The following LGSN variants were observed in gnomAD, a reference collection of about 807,000 sequenced individuals.
The protein encoded by LGSN is lengsin, lens protein with glutamine synthetase domain, also known as lengsin.
In LGSN, 21 loss-of-function variants were observed where a neutral mutation model predicts 19.5. The observed-to-expected ratio is 1.07, with a 90% confidence interval of 0.76 to 1.55. LGSN has a LOEUF of 1.55. Ranked by LOEUF, LGSN falls within the 40% of genes most tolerant of loss-of-function variation. The pLI, the probability that LGSN is intolerant of heterozygous loss-of-function variation, is 0.00. For missense variants in LGSN, 673 were observed against 608.5 expected (o/e 1.11, Z -1.12); for synonymous variants, 257 against 215.6 (o/e 1.19, Z -1.68).
chr6:63,355,554 T>C, the LGSN span, among the ~76,000 whole-genome samples: 1 of 152,086 alleles, frequency 6.6e-6, no homozygotes, highest in African/African-American at 2.4e-5. Context: ...AATCAAAGTG[T>C]CCACAGAGCC....
At chr6:63,378,690 T>C in the LGSN span, among the ~76,000 whole-genome samples, 1 of 152,046 alleles carries the variant, frequency 6.6e-6, no homozygotes, top group South Asian at 2.1e-4. Context: ...GCCAGGCTCT[T>C]TTTGAATAAC....
chr6:63,372,291 T>C, the LGSN span, among the ~76,000 whole-genome samples: 1 of 152,212 alleles, frequency 6.6e-6, no homozygotes. Context: ...CCCCATGAAG[T>C]ACCAAGATGT....
the LGSN span, among the ~76,000 whole-genome samples, chr6:63,372,582 C>G: frequency 6.6e-6 from 1 of 152,124 alleles, no homozygotes; most frequent in African/African-American, 2.4e-5. Context: ...TAGGGCTCAT[C>G]ATGCTGATGA....
the LGSN span, among the ~76,000 whole-genome samples, chr6:63,371,597 G>T: frequency 1.3e-5 from 2 of 152,194 alleles, no homozygotes; most frequent in Non-Finnish European, 2.9e-5. Context: ...AAAGGAAGTC[G>T]TAATTCTGTT....
chr6:63,409,783 C>T, the LGSN span, among the ~76,000 whole-genome samples: 3 of 152,160 alleles, frequency 2.0e-5, no homozygotes, highest in African/African-American at 7.2e-5. Context: ...CACCTGTAAT[C>T]CCAGCACTTT....
the LGSN span, among the ~76,000 whole-genome samples, chr6:63,526,477 G>A: frequency 1.4e-4 from 22 of 151,790 alleles, no homozygotes; most frequent in South Asian, 1.2e-3. Context: ...GGAAGACCAC[G>A]TATGATAAAT....
chr6:63,508,117 A>G, the LGSN span, among the ~76,000 whole-genome samples: 1 of 152,158 alleles, frequency 6.6e-6, no homozygotes, highest in Admixed American at 6.5e-5. Flanking sequence ...CACATATCTT[A>G]CTCCAGAAAT....
the LGSN span, among the ~76,000 whole-genome samples, chr6:63,346,109 G>A: frequency 1.6e-4 from 24 of 152,034 alleles, no homozygotes; most frequent in Non-Finnish European, 3.4e-4. Context: ...CTAATTTCCT[G>A]AGCAATAGGG....
chr6:63,438,012 C>A, the LGSN span, among the ~76,000 whole-genome samples: 1 of 152,144 alleles, frequency 6.6e-6, no homozygotes, highest in Non-Finnish European at 1.5e-5. Context: ...GTCCACACTG[C>A]CATGAAAATT....
At chr6:63,393,746 C>T in the LGSN span, among the ~76,000 whole-genome samples, 1 of 152,168 alleles carries the variant, frequency 6.6e-6, no homozygotes, top group Non-Finnish European at 1.5e-5. Context: ...GTTTTACTTT[C>T]TTTTCTTCTG....
rs1582010897 is a variant in LGSN, at chr6:63,276,991, A to C, written c.*3030T>G. 1 of 148,998 alleles carries C rather than the reference A, an allele frequency of 6.7e-6. No individual in the cohort carries two copies. The highest frequency in any genetic ancestry group is 2.5e-5 in the African/African-American group (1 of 40,674). 9.2% of individuals were successfully genotyped at this position (148,998 alleles called of 1,614,324 possible). ...CAAGAATATACATCAGCACACACCT[A>C]ACTGAAATCTTGGTGGAAACTGCCA... On this transcript the variant is annotated 3_prime_UTR_variant, in exon 4 of 4. Coordinates refer to ENST00000370657, the MANE Select transcript of LGSN (RefSeq NM_016571.3).
chr6:63,420,073 G>A, the LGSN span, among the ~76,000 whole-genome samples: 2 of 151,594 alleles, frequency 1.3e-5, no homozygotes, highest in Non-Finnish European at 2.9e-5. Flanking sequence ...CATGATGGCA[G>A]GCTCCTGTAG....
At chr6:63,352,645 T>A in the LGSN span, among the ~76,000 whole-genome samples, 9 of 151,756 alleles carry the variant, frequency 5.9e-5, no homozygotes, top group South Asian at 1.9e-3. Context: ...TGTCTCTCTC[T>A]CTCTCTCTTC....
chr6:63,569,877 C>T, the LGSN span, among the ~76,000 whole-genome samples: 1 of 152,174 alleles, frequency 6.6e-6, no homozygotes, highest in South Asian at 2.1e-4. Flanking sequence ...GAGTGCAAGT[C>T]TGTAAGGGTT....
At chr6:63,431,956 G>C in the LGSN span, among the ~76,000 whole-genome samples, 1 of 151,348 alleles carries the variant, frequency 6.6e-6, no homozygotes, top group African/African-American at 2.4e-5. Flanking sequence ...GGCACCTATG[G>C]TCCCAGCTAC....
chr6:63,549,549 T>G, the LGSN span: 2 of 622,586 alleles, frequency 3.2e-6, no homozygotes, highest in Non-Finnish European at 5.7e-6. Context: ...AGGTGATAAA[T>G]GTTGACAAGA....
chr6:63,550,958 C>T, the LGSN span, among the ~76,000 whole-genome samples: 2 of 152,008 alleles, frequency 1.3e-5, no homozygotes, highest in African/African-American at 4.8e-5. Context: ...TTTATTTTTG[C>T]TTTGAGAATC....
chr6:63,471,636 A>G, the LGSN span, among the ~76,000 whole-genome samples: 1 of 151,174 alleles, frequency 6.6e-6, no homozygotes, highest in Admixed American at 6.6e-5. Flanking sequence ...ACTGCACTCC[A>G]GCCTGGGTGA....
chr6:63,356,410 C>T, the LGSN span, among the ~76,000 whole-genome samples: 1 of 151,956 alleles, frequency 6.6e-6, no homozygotes, highest in African/African-American at 2.4e-5. Flanking sequence ...GGTGTGGTGG[C>T]TCGTGCCTGT....
Sources: gnomAD v4.1 joint callset for allele counts (sites outside exome capture counted in the v4.1 genomes callset) on GRCh38, gnomAD v4.1.1 for gene constraint, MANE v1.5 for transcripts, NCBI Gene and HGNC (gene_info 2026-07-23, HGNC 2026-07-21) for gene names.